Variants in FAM135B observed in about 807,000 individuals in gnomAD.
The protein encoded by FAM135B is family with sequence similarity 135 member B, also known as protein FAM135B.
A neutral mutation model predicts 127.7 loss-of-function variants in FAM135B; 43 were observed. The ratio of observed to expected loss-of-function variants is 0.34; its 90% CI spans 0.26 to 0.43. The LOEUF is 0.43. Among genes scored for constraint, FAM135B ranks in the 20% least tolerant of loss-of-function variants. The pLI is 1.00. For synonymous variants in FAM135B, 670 were observed against 665.1 expected (o/e 1.01, Z -0.11); for missense variants, 1,558 against 1,725.6 (o/e 0.90, Z 1.72).
At chr8:138,396,798 C>A (rs1174823993) in intron 1 of FAM135B, among the ~76,000 whole-genome samples, 1 of 152,122 alleles carries the variant, frequency 6.6e-6, no homozygotes, top group East Asian at 1.9e-4. Context: ...CACAGAGCAG[C>A]CTGTGTGGCT....
chr8:138,261,308 C>T (rs533165032), intron 4 of FAM135B, among the ~76,000 whole-genome samples: 3 of 152,262 alleles, frequency 2.0e-5, no homozygotes, highest in South Asian at 2.1e-4. Context: ...TTTAAGCCTA[C>T]GAAAATGCAA....
upstream of FAM135B, among the ~76,000 whole-genome samples, chr8:138,497,482 C>T (rs1815442451): frequency 6.6e-6 from 1 of 152,120 alleles, no homozygotes; most frequent in South Asian, 2.1e-4. Flanking sequence ...AGACCCCAGG[C>T]CTCGGGCAGG....
chr8:138,494,604 A>G (rs1354012488), intron 1 of FAM135B, among the ~76,000 whole-genome samples: 1 of 152,238 alleles, frequency 6.6e-6, no homozygotes, highest in Non-Finnish European at 1.5e-5. Flanking sequence ...GGCATAAAAG[A>G]GCAGAGAATA....
At chr8:138,140,140 G>GA (rs1817005798) in intron 17 of FAM135B, among the ~76,000 whole-genome samples, 2 of 152,222 alleles carry the variant, frequency 1.3e-5, no homozygotes, top group Non-Finnish European at 2.9e-5. Context: ...AGGAAAGACA[G>GA]AGTGCAGAGG....
chr8:138,377,396 T>C (rs181092917), intron 1 of FAM135B, among the ~76,000 whole-genome samples: 2 of 152,278 alleles, frequency 1.3e-5, no homozygotes, highest in Admixed American at 1.3e-4. Context: ...ACAGACTGTA[T>C]AATTTACAAA....
intron 7 of FAM135B, among the ~76,000 whole-genome samples, chr8:138,227,837 AG>A (rs940897414): frequency 4.0e-4 from 59 of 147,924 alleles, no homozygotes; most frequent in African/African-American, 1.2e-3. Context: ...TGTTAGCTCT[AG>A]GCATTATGTT....
At chr8:138,340,953 A>G (rs1449536288) in intron 2 of FAM135B, among the ~76,000 whole-genome samples, 1 of 152,212 alleles carries the variant, frequency 6.6e-6, no homozygotes, top group East Asian at 1.9e-4. Context: ...ATCCCACAAG[A>G]CGGAGCACTT....
At chr8:138,142,785 C>T in intron 16 of FAM135B, 1 of 440,174 alleles carries the variant, frequency 2.3e-6, no homozygotes, top group Non-Finnish European at 4.1e-6. Context: ...AAGACTCTTT[C>T]TACAGAACTA....
rs1820826775 is a variant in FAM135B, at chr8:138,242,042, G to A, written c.669+900C>T. 1.3e-5 allele frequency among the ~76,000 whole-genome samples: 2 copies of A among 152,106 alleles called. No individual in the cohort carries two copies. Among genetic ancestry groups the A allele is most frequent in the South Asian group, 4.2e-4 (2 of 4,816 alleles). ...ATAACACTAGCTTTCCTGGTTCTGAGGCCTTTAGCCTTGGACTGGAATGAT... is the reference window on the plus strand; with the variant it reads ...ATAACACTAGCTTTCCTGGTTCTGAAGCCTTTAGCCTTGGACTGGAATGAT... On this transcript the variant is annotated intron_variant, in intron 7 of 19. Transcript: ENST00000395297. This position sits in a 1 kb window ranked among gnomAD's most constrained non-coding sequence, Gnocchi z 9.6.
intron 1 of FAM135B, among the ~76,000 whole-genome samples, chr8:138,409,249 G>A (rs4909787): frequency 0.39 from 58,651 of 151,904 alleles, 11,897 homozygotes; most frequent in African/African-American, 0.52. Context: ...GAGGGCCAAC[G>A]AGAGGAGAAA....
chr8:138,178,544 G>A lies in FAM135B; in HGVS notation c.1020C>T (p.His340=), dbSNP rs1317119119. The change falls in exon 10 of 20, where the codon CAC becomes CAT. Residue 340 remains histidine, a synonymous_variant. Transcript: ENST00000395297. ...GCAGTTGGCCACTCACCCTCAGGGTGTGGTGTTCCTGGGTGAGATAAGTGG... is the reference window on the plus strand; with the variant it reads ...GCAGTTGGCCACTCACCCTCAGGGTATGGTGTTCCTGGGTGAGATAAGTGG... ...QVTTYLTQEH[H]TLRVRRFSEA... The A allele has an allele frequency of 6.2e-7, 1 of 1,613,696 alleles. No homozygotes were observed. The highest frequency in any genetic ancestry group is 8.5e-7 in the Non-Finnish European group (1 of 1,180,040).
In FAM135B at chr8:138,173,245, G is replaced by A. The variant is rs192786109; in HGVS notation, c.1103+4102C>T. 2.6e-5 allele frequency among the ~76,000 whole-genome samples: 4 copies of A among 152,220 alleles called. No homozygotes were observed. In the East Asian group the frequency reaches 5.8e-4, roughly 22 times the overall value. Reference sequence around the variant, plus strand: ...TACCTGAGTCCGGGCTTATGCTGTCGGACTGTAACCCTGACTCCAGGAATA... The same window carrying A: ...TACCTGAGTCCGGGCTTATGCTGTCAGACTGTAACCCTGACTCCAGGAATA... On this transcript the variant is annotated intron_variant, in intron 11 of 19. Transcript: ENST00000395297.
intron 1 of FAM135B, among the ~76,000 whole-genome samples, chr8:138,380,251 G>A (rs994087268): frequency 4.0e-5 from 6 of 151,732 alleles, no homozygotes; most frequent in Non-Finnish European, 5.9e-5. Flanking sequence ...AAGCTGGAGC[G>A]TAGTGGTGCG....
chr8:138,387,906 C>T (rs995782667), intron 1 of FAM135B, among the ~76,000 whole-genome samples: 5 of 152,138 alleles, frequency 3.3e-5, no homozygotes, highest in African/African-American at 1.2e-4. Flanking sequence ...TCATATCACA[C>T]AATTCTCTGG....
chr8:138,153,533 C>T (rs181448826), intron 12 of FAM135B, among the ~76,000 whole-genome samples: 3 of 152,176 alleles, frequency 2.0e-5, no homozygotes, highest in Non-Finnish European at 4.4e-5. Context: ...ATTCCCTTTC[C>T]TAGCCAAGGG....
intron 7 of FAM135B, among the ~76,000 whole-genome samples, chr8:138,240,967 G>A (rs991615859): frequency 6.6e-6 from 1 of 152,182 alleles, no homozygotes; most frequent in Non-Finnish European, 1.5e-5. Context: ...TTTTCAGGCA[G>A]TAGATTCTGA....
intron 1 of FAM135B, among the ~76,000 whole-genome samples, chr8:138,373,456 C>T (rs1488137546): frequency 6.7e-6 from 1 of 149,926 alleles, no homozygotes; most frequent in Admixed American, 6.7e-5. Context: ...GGATGTATGT[C>T]GCCTCAGGAC....
chr8:138,319,908 A>G (rs1232413121), intron 2 of FAM135B, among the ~76,000 whole-genome samples: 1 of 152,144 alleles, frequency 6.6e-6, no homozygotes, highest in Non-Finnish European at 1.5e-5. Flanking sequence ...TATAAGAGAA[A>G]GAAGGAGGCA....
intron 7 of FAM135B, among the ~76,000 whole-genome samples, chr8:138,232,849 G>A (rs1348850074): frequency 6.6e-6 from 1 of 152,046 alleles, no homozygotes; most frequent in Non-Finnish European, 1.5e-5. Flanking sequence ...GTTCAATACA[G>A]TATTTTTAAT....
Sources: gnomAD v4.1 joint callset for allele counts (sites outside exome capture counted in the v4.1 genomes callset) on GRCh38, gnomAD v4.1.1 for gene constraint, Gnocchi (gnomAD v3.1) non-coding constraint, MANE v1.5 for transcripts, NCBI Gene and HGNC (gene_info 2026-07-23, HGNC 2026-07-21) for gene names.